The following KLF7 variants were observed in gnomAD, a reference collection of about 807,000 sequenced individuals.
The protein encoded by KLF7 is Krueppel-like factor 7.
Under a neutral mutation model 27.3 loss-of-function variants are expected in KLF7, and 2 were observed. That is an observed-to-expected ratio of 0.07 (90% CI 0.03 to 0.23). The LOEUF is 0.23. KLF7 is among the 10% of genes least tolerant of loss of function. The pLI is 1.00. For synonymous variants in KLF7, 165 were observed against 162.4 expected (o/e 1.02, Z -0.12); for missense variants, 221 against 394.1 (o/e 0.56, Z 3.72).
At chr2:207,086,678 C>T (rs551879761) in intron 3 of KLF7, among the ~76,000 whole-genome samples, 3 of 152,358 alleles carry the variant, frequency 2.0e-5, no homozygotes, top group South Asian at 2.1e-4. Context: ...AATCCAAATA[C>T]ATCAACTGCT....
Position 207,156,354 on chromosome 2 carries a change from T to C in KLF7, c.102+9113A>G, listed in dbSNP as rs2078383441. The stretch of plus-strand genomic sequence containing the variant: ...TTCTTCCACAGTTTATTTTTGCTCC[T>C]CTTACTAGAAAGATGGATCCTCTGA... On this transcript the variant is annotated intron_variant, in intron 1 of 3. Transcript: ENST00000309446. 2.0e-5 allele frequency among the ~76,000 whole-genome samples: 3 copies of C among 152,232 alleles called. No homozygotes were observed. In the South Asian group the frequency reaches 6.2e-4, roughly 32 times the overall value.
chr2:207,150,447 A>G (rs2078210619), intron 1 of KLF7, among the ~76,000 whole-genome samples: 1 of 152,188 alleles, frequency 6.6e-6, no homozygotes, highest in East Asian at 1.9e-4. Context: ...TAGAAATCAT[A>G]AAGAGGAAGA....
Position 207,117,443 on chromosome 2 carries a change from C to G in KLF7, c.733+6331G>C, listed in dbSNP as rs192755130. ...AACCCTCCTATTCAGCTCTCTCCAC[C>G]TTGTGAACTGAACATTTAACCCTTA... On this transcript the variant is annotated intron_variant, in intron 2 of 3. Transcript: ENST00000309446. Among the ~76,000 whole-genome samples, 587 of 152,308 alleles carry G rather than the reference C, an allele frequency of 3.9e-3. 3 individuals are homozygous for G. Among genetic ancestry groups the G allele is most frequent in the Non-Finnish European group, 6.4e-3 (437 of 68,036 alleles).
At chr2:207,147,432 G>T (rs1574562994) in intron 1 of KLF7, among the ~76,000 whole-genome samples, 1 of 152,130 alleles carries the variant, frequency 6.6e-6, no homozygotes, top group East Asian at 1.9e-4. Context: ...CCCTCAATTT[G>T]TCAAGTGCTT....
intron 2 of KLF7, chr2:207,122,040 A>T (rs910970835): frequency 6.6e-6 from 1 of 152,086 alleles, no homozygotes; most frequent in Non-Finnish European, 1.5e-5. Context: ...TGAGTCATGC[A>T]CTCCAGCCTG....
rs925733322 is a variant in KLF7 at position 207,165,782 on chromosome 2, G to A, written c.-214C>T. On this transcript the variant is annotated 5_prime_UTR_variant, in exon 1 of 4. Coordinates refer to ENST00000309446, the MANE Select transcript of KLF7 (RefSeq NM_003709.4). ...AGAGGAGCGAGTGAGTGGGGTGGAT[G>A]GAGAGAGGCATCCAGCGTGTACAGT... is the stretch of plus-strand genomic sequence containing the variant. 8.4e-6 allele frequency: 12 copies of A among 1,429,316 alleles called. No individual in the cohort carries two copies. In the African/African-American group the frequency reaches 1.4e-4, roughly 17 times the overall value. 88.5% of individuals were successfully genotyped at this position (1,429,316 alleles called of 1,614,324 possible).
intron 1 of KLF7, among the ~76,000 whole-genome samples, chr2:207,132,358 C>CGAAA (rs1421753297): frequency 2.6e-5 from 4 of 152,170 alleles, no homozygotes; most frequent in African/African-American, 7.2e-5. Flanking sequence ...TATATATTTC[C>CGAAA]CTCTGGTAAT....
upstream of KLF7, among the ~76,000 whole-genome samples, chr2:207,171,366 T>A (rs1559180261): frequency 6.6e-6 from 1 of 152,160 alleles, no homozygotes; most frequent in East Asian, 1.9e-4. Context: ...ATTGTTGAAA[T>A]AACAAACTAC....
Position 207,165,686 on chromosome 2 carries a change from GTT to G in KLF7, c.-120_-119del. The G allele has an allele frequency of 6.6e-7, 1 of 1,505,324 alleles. No homozygotes were observed. The highest frequency in any genetic ancestry group is 8.9e-7 in the Non-Finnish European group (1 of 1,129,338). 93.2% of individuals were successfully genotyped at this position (1,505,324 alleles called of 1,614,324 possible). A position where few individuals can be genotyped will look rare whatever the true frequency, so the allele number is the denominator to read the frequency against. On this transcript the variant is annotated 5_prime_UTR_variant, in exon 1 of 4. Transcript: ENST00000309446. The stretch of plus-strand genomic sequence containing the variant: ...AAGGCAGACATCCAGTGGCCCTTTT[GTT>G]TTGTTTTGTTTCAGTCAACTAAAAA...
chr2:207,128,876 G>C (rs1204958304), intron 1 of KLF7, among the ~76,000 whole-genome samples: 1 of 152,136 alleles, frequency 6.6e-6, no homozygotes, highest in Non-Finnish European at 1.5e-5. Flanking sequence ...AAGGAGATAT[G>C]GCAACTAAAT....
intron 1 of KLF7, among the ~76,000 whole-genome samples, chr2:207,159,296 C>A (rs1307797471): frequency 6.6e-6 from 1 of 152,216 alleles, no homozygotes; most frequent in Admixed American, 6.5e-5. Context: ...CAGCCCACAA[C>A]ATGACATTGG....
chr2:207,156,915 C>G (rs915360726), intron 1 of KLF7, among the ~76,000 whole-genome samples: 1 of 152,200 alleles, frequency 6.6e-6, no homozygotes, highest in Non-Finnish European at 1.5e-5. Flanking sequence ...ACCAATGGCT[C>G]AATGCCTTGG....
intron 3 of KLF7, among the ~76,000 whole-genome samples, chr2:207,086,462 G>C (rs987500587): frequency 6.6e-6 from 1 of 151,986 alleles, no homozygotes; most frequent in Non-Finnish European, 1.5e-5. Flanking sequence ...GCGGGACGCT[G>C]ATCTACTCAA....
chr2:207,096,664 C>T (rs2076637204), intron 2 of KLF7, among the ~76,000 whole-genome samples: 1 of 152,116 alleles, frequency 6.6e-6, no homozygotes, highest in Non-Finnish European at 1.5e-5. Context: ...CCCACCCCAC[C>T]CCCAAACTTA....
intron 2 of KLF7, among the ~76,000 whole-genome samples, chr2:207,095,370 A>G (rs2076606422): frequency 6.6e-6 from 1 of 152,172 alleles, no homozygotes; most frequent in Non-Finnish European, 1.5e-5. Flanking sequence ...TAAAACAACT[A>G]AAAAACAATA....
rs114979376 is a variant in KLF7, at chr2:207,155,036, T to C, written c.102+10431A>G. Among the ~76,000 whole-genome samples the C allele has an allele frequency of 9.8e-4, 149 of 152,324 alleles. 1 individual carries two copies. The highest frequency in any genetic ancestry group is 3.4e-3 in the African/African-American group (142 of 41,578). On this transcript the variant is annotated intron_variant, in intron 1 of 3. Coordinates refer to ENST00000309446, the MANE Select transcript of KLF7 (RefSeq NM_003709.4). ...TCCCCTACCTAAAGAGCAGTCAGTA[T>C]AGATGTAACAATTAAGAGTGCTGGG...
At chr2:207,095,784 A>T (rs1045880669) in intron 2 of KLF7, among the ~76,000 whole-genome samples, 1 of 152,214 alleles carries the variant, frequency 6.6e-6, no homozygotes, top group Non-Finnish European at 1.5e-5. Flanking sequence ...GATCTCAAGG[A>T]ATTAGTATTA....
intron 2 of KLF7, among the ~76,000 whole-genome samples, chr2:207,116,137 G>A (rs952874988): frequency 1.3e-5 from 2 of 152,180 alleles, no homozygotes; most frequent in Admixed American, 6.5e-5. Flanking sequence ...ATTCGGTACC[G>A]GAGTCGTGCA....
chr2:207,138,138 C>T (rs1166182393), intron 1 of KLF7, among the ~76,000 whole-genome samples: 2 of 152,156 alleles, frequency 1.3e-5, no homozygotes, highest in African/African-American at 2.4e-5. Context: ...CTGCCATCCC[C>T]TCTCCCCTTT....
Sources: allele counts gnomAD v4.1 joint callset (sites outside exome capture counted in the v4.1 genomes callset), GRCh38; gene constraint gnomAD v4.1.1; transcripts MANE v1.5; gene names NCBI Gene and HGNC (gene_info 2026-07-23, HGNC 2026-07-21).